The following MTCH2 variants were observed in gnomAD, a reference collection of about 807,000 sequenced individuals.
The protein encoded by MTCH2 is mitochondrial carrier homolog 2.
In MTCH2, 25 loss-of-function variants were observed where a neutral mutation model predicts 50.6. The observed-to-expected ratio is 0.49, with a 90% CI of 0.36 to 0.69. The LOEUF is 0.69. MTCH2 is among the 30% of genes least tolerant of loss of function. The pLI, the probability that MTCH2 is intolerant of heterozygous loss-of-function variation, is 0.00. For missense variants in MTCH2, 273 were observed against 384.4 expected, an observed-to-expected ratio of 0.71 and a Z score of 2.42; for synonymous variants, 106 against 132.0, an observed-to-expected ratio of 0.80 and a Z score of 1.35.
downstream of MTCH2, among the ~76,000 whole-genome samples, chr11:47,613,637 T>G (rs200142378): frequency 6.6e-6 from 1 of 152,266 alleles, no homozygotes; most frequent in Non-Finnish European, 1.5e-5. Context: ...AGAAAAGTAA[T>G]GGTGATCATT....
At chr11:47,634,818 G>A in intron 4 of MTCH2, 84 bp from the exon 5 acceptor site, 10 of 947,504 alleles carry the variant, frequency 1.1e-5, no homozygotes, top group Non-Finnish European at 1.5e-5. Flanking sequence ...TGTCGCCCAG[G>A]CTGGAGTGCA....
chr11:47,639,072 A>C lies in MTCH2; in HGVS notation c.88-21T>G, dbSNP rs368853244. The C allele has an allele frequency of 7.1e-6, 11 of 1,555,034 alleles. No homozygotes were observed. The African/African-American group carries it at 1.3e-4, about 18-fold the overall frequency. On this transcript the variant is annotated intron_variant, in intron 1 of 12. Coordinates refer to ENST00000302503, the MANE Select transcript of MTCH2 (RefSeq NM_014342.4). ...CCCACCTTTAAAAACAATGGAATAT[A>C]TCAATATTAAAGCAATATTTCCAGA...
At chr11:47,628,294 C>T (rs552973004) in intron 9 of MTCH2, among the ~76,000 whole-genome samples, 1 of 152,190 alleles carries the variant, frequency 6.6e-6, no homozygotes, top group Non-Finnish European at 1.5e-5. Flanking sequence ...GATGAAAAGC[C>T]CCCGATACAC....
chr11:47,605,245 C>CTGTT, the MTCH2 span, among the ~76,000 whole-genome samples: 3 of 152,100 alleles, frequency 2.0e-5, no homozygotes, highest in African/African-American at 7.2e-5. Flanking sequence ...ATATTTTTCA[C>CTGTT]TGTTTCACCC....
At chr11:47,611,006 A>G in the MTCH2 span, among the ~76,000 whole-genome samples, 2 of 152,210 alleles carry the variant, frequency 1.3e-5, no homozygotes, top group African/African-American at 4.8e-5. Context: ...GAGAGTGTTA[A>G]AAGAGCTTCA....
At chr11:47,611,625 A>C in the MTCH2 span, among the ~76,000 whole-genome samples, 1 of 152,206 alleles carries the variant, frequency 6.6e-6, no homozygotes, top group Non-Finnish European at 1.5e-5. Flanking sequence ...ACTTGGAGAG[A>C]GGACAAGATT....
At chr11:47,635,067 G>A (rs530779667) in intron 4 of MTCH2, among the ~76,000 whole-genome samples, 13 of 150,426 alleles carry the variant, frequency 8.6e-5, no homozygotes, top group Admixed American at 7.3e-4. Context: ...GCCACCATGG[G>A]CGGCCGATCT....
intron 5 of MTCH2, among the ~76,000 whole-genome samples, chr11:47,632,432 C>T (rs1009180878): frequency 2.0e-5 from 3 of 151,584 alleles, no homozygotes; most frequent in African/African-American, 7.3e-5. Flanking sequence ...CGGTTCACTG[C>T]AAGCTCCGCC....
intron 5 of MTCH2, among the ~76,000 whole-genome samples, chr11:47,633,783 C>T (rs995002284): frequency 2.0e-5 from 3 of 151,422 alleles, no homozygotes; most frequent in African/African-American, 4.9e-5. Flanking sequence ...GTGATCCGCC[C>T]GCCTCGGCCT....
chr11:47,636,624 T>C (rs1375628391), intron 3 of MTCH2, among the ~76,000 whole-genome samples: 1 of 150,730 alleles, frequency 6.6e-6, no homozygotes, highest in Non-Finnish European at 1.5e-5. Flanking sequence ...CCCAGCTACG[T>C]GGGAAGCTGG....
chr11:47,615,031 CTTTTTTTTTTTTTTTTTTT>C (rs61122824), downstream of MTCH2, among the ~76,000 whole-genome samples: 2 of 44,880 alleles, frequency 4.5e-5, no homozygotes, highest in Non-Finnish European at 3.6e-5. Context: ...CCCAGTGAGG[CTTTTTTTTTTTTTTTTTTT>C]TTTTTTTTTT....
At chr11:47,624,417 C>T (rs1380536144) in intron 11 of MTCH2, among the ~76,000 whole-genome samples, 1 of 152,120 alleles carries the variant, frequency 6.6e-6, no homozygotes, top group Non-Finnish European at 1.5e-5. Flanking sequence ...TCACTTTCTC[C>T]ATAAAGCCCC....
intron 9 of MTCH2, among the ~76,000 whole-genome samples, chr11:47,628,459 T>C (rs1029430989): frequency 6.6e-6 from 1 of 152,172 alleles, no homozygotes; most frequent in African/African-American, 2.4e-5. Flanking sequence ...CAGTAAACAG[T>C]ATCGTTCTAC....
chr11:47,608,957 CAA>C, the MTCH2 span, among the ~76,000 whole-genome samples: 386 of 45,428 alleles, frequency 8.5e-3, 3 homozygotes, highest in African/African-American at 0.028. Context: ...GACTCTGTCT[CAA>C]AAAAAAAAAA....
chr11:47,613,667 G>A (rs1490678063), downstream of MTCH2, among the ~76,000 whole-genome samples: 1 of 152,110 alleles, frequency 6.6e-6, no homozygotes, highest in Admixed American at 6.6e-5. Flanking sequence ...AGTTGTTTCC[G>A]CTATTTATAA....
At position 47,639,029 on chromosome 11, in the gene MTCH2, G is replaced by A; in HGVS notation, c.110C>T (p.Pro37Leu). 1.2e-6 allele frequency: 2 copies of A among 1,613,276 alleles called. No individual in the cohort carries two copies. The highest frequency in any genetic ancestry group is 1.7e-6 in the Non-Finnish European group (2 of 1,179,462). ...CCCAAAAATATTTCGTCCTATTGTT[G>A]GAGGAAGAGGCTCATATCCCACCTT... Reference protein sequence around the residue: ...LIQVGYEPLPPTIGRNIFGRQ... With the variant: ...LIQVGYEPLPLTIGRNIFGRQ... Residue 37 changes from proline (P) to leucine (L), a missense_variant, in exon 2 of 13, where the codon CCA becomes CTA. Physicochemically the swap from Pro to Leu is moderately conservative, Grantham distance 98. Around this residue, in one of 2 missense-constraint regions of MTCH2, gnomAD observed 203 missense variants for 244.3 expected, o/e 0.83. Coordinates refer to ENST00000302503, the MANE Select transcript of MTCH2 (RefSeq NM_014342.4).
intron 4 of MTCH2, among the ~76,000 whole-genome samples, chr11:47,635,235 AGGCCCCGC>A (rs2097307468): frequency 6.6e-6 from 1 of 152,036 alleles, no homozygotes; most frequent in Non-Finnish European, 1.5e-5. Context: ...ATGTGCCACC[AGGCCCCGC>A]TAATCTTTGA....
At chr11:47,609,457 C>CAAAAA in the MTCH2 span, among the ~76,000 whole-genome samples, 1 of 40,130 alleles carries the variant, frequency 2.5e-5, no homozygotes, top group Non-Finnish European at 4.3e-5. Flanking sequence ...GATTCTGTAT[C>CAAAAA]AAAAAAAAAA....
chr11:47,608,687 G>A, the MTCH2 span, among the ~76,000 whole-genome samples: 4 of 152,096 alleles, frequency 2.6e-5, no homozygotes, highest in Admixed American at 6.5e-5. Flanking sequence ...GGCCGATTGC[G>A]GTGGCTCATG....
Sources: gnomAD v4.1 joint callset for allele counts (sites outside exome capture counted in the v4.1 genomes callset) on GRCh38, gnomAD v4.1.1 for gene constraint, gnomAD v4.1.1 regional missense constraint, MANE v1.5 for transcripts, NCBI Gene and HGNC (gene_info 2026-07-23, HGNC 2026-07-21) for gene names.